Variants in ABCC9 observed in about 807,000 individuals in gnomAD.
ABCC9 encodes the protein ATP-binding cassette sub-family C member 9.
Under a neutral mutation model 188.3 loss-of-function variants are expected in ABCC9, and 95 were observed. The observed-to-expected ratio is 0.50, with a 90% CI of 0.43 to 0.60. The LOEUF is 0.60. Ranked by LOEUF, ABCC9 falls within the 20% of genes least tolerant of loss-of-function variation. ABCC9 has a pLI of 0.00. For synonymous variants in ABCC9, 659 were observed against 652.7 expected, an observed-to-expected ratio of 1.01 and a Z score of -0.15; for missense variants, 1,102 against 1,876.3, an observed-to-expected ratio of 0.59 and a Z score of 7.62.
Position 21,846,172 on chromosome 12 carries a change from A to G in ABCC9, c.2867-340T>C, listed in dbSNP as rs372063388. 1.4e-4 allele frequency among the ~76,000 whole-genome samples: 22 copies of G among 152,314 alleles called. No individual in the cohort carries two copies. In the South Asian group the frequency reaches 3.1e-3, roughly 22 times the overall value. Reference sequence around the variant, plus strand: ...TACCTGGCTTACAAACATCTACAATATTGTGACCTGCAAATTTCTGAATTT... The same window carrying G: ...TACCTGGCTTACAAACATCTACAATGTTGTGACCTGCAAATTTCTGAATTT... On this transcript the variant is annotated intron_variant, in intron 25 of 39. Transcript: ENST00000261200.
At chr12:21,848,446 C>T (rs188630442) in intron 24 of ABCC9, among the ~76,000 whole-genome samples, 200 bp from the exon 25 acceptor site, 25 of 152,208 alleles carry the variant, frequency 1.6e-4, no homozygotes, top group Middle Eastern at 3.4e-3. Context: ...CTGCAGTGCT[C>T]AAAGGTGTGG....
At chr12:21,801,312 C>T in intron 39 of ABCC9, 131 bp from the exon 40 acceptor site, 1 of 1,136,322 alleles carries the variant, frequency 8.8e-7, no homozygotes, top group African/African-American at 1.5e-5. Flanking sequence ...GTAGGGATCA[C>T]AGACACCTCC....
chr12:21,903,534 A>G (rs981058748), intron 12 of ABCC9, among the ~76,000 whole-genome samples: 8 of 152,078 alleles, frequency 5.3e-5, no homozygotes, highest in Non-Finnish European at 1.2e-4. Context: ...GAAAACCCCA[A>G]TGTCTCAGCC....
At chr12:21,801,927 C>T (rs369768519) in intron 39 of ABCC9, among the ~76,000 whole-genome samples, 103 of 152,236 alleles carry the variant, frequency 6.8e-4, no homozygotes, top group Middle Eastern at 3.4e-3. Flanking sequence ...CAGGAGGTCA[C>T]ATAGATAGTA....
At chr12:21,855,607 T>C (rs1276306513) in intron 22 of ABCC9, among the ~76,000 whole-genome samples, 4 of 152,232 alleles carry the variant, frequency 2.6e-5, no homozygotes, top group Non-Finnish European at 5.9e-5. Context: ...ATTGTAGTTA[T>C]GACCACTCTT....
intron 7 of ABCC9, among the ~76,000 whole-genome samples, chr12:21,915,074 T>C (rs972898782): frequency 1.2e-4 from 18 of 151,766 alleles, no homozygotes; most frequent in African/African-American, 4.4e-4. Flanking sequence ...CTAATTTTTG[T>C]ATTTTTAGTA....
chr12:21,925,047 T>G (rs910575225), intron 5 of ABCC9: 2 of 152,790 alleles, frequency 1.3e-5, no homozygotes, highest in African/African-American at 4.8e-5. Flanking sequence ...CTAATTTCTA[T>G]ATCATTAGCC....
At position 21,887,390 on chromosome 12, in the gene ABCC9, G is replaced by A. The variant is rs547552090; in HGVS notation, c.1911+436C>T. On this transcript the variant is annotated intron_variant, in intron 15 of 39. Transcript: ENST00000261200. ...AGCTAGAAAATAAAAAAGAGACAAT[G>A]TAATGTAATTCAACTGGAAAATAAA... Among the ~76,000 whole-genome samples, 11 of 152,158 alleles carry A rather than the reference G, an allele frequency of 7.2e-5. No homozygotes were observed. In the East Asian group the frequency reaches 2.1e-3, roughly 29 times the overall value.
intron 12 of ABCC9, among the ~76,000 whole-genome samples, chr12:21,895,795 A>G (rs990360186): frequency 6.6e-6 from 1 of 152,198 alleles, no homozygotes; most frequent in Non-Finnish European, 1.5e-5. Flanking sequence ...AGTTAATAAA[A>G]TAACTCCATA....
intron 14 of ABCC9, among the ~76,000 whole-genome samples, chr12:21,889,716 T>C (rs1251640181): frequency 1.3e-5 from 2 of 152,168 alleles, no homozygotes; most frequent in Non-Finnish European, 2.9e-5. Context: ...TCAAAGCTTT[T>C]ATGGAATAAA....
intron 4 of ABCC9, among the ~76,000 whole-genome samples, chr12:21,928,225 A>C (rs1162678541): frequency 1.4e-5 from 2 of 142,978 alleles, no homozygotes; most frequent in Admixed American, 1.4e-4. Flanking sequence ...GTCTCAAAAA[A>C]AGAAGCAAAG....
At chr12:21,863,778 G>T (rs1344380069) in intron 19 of ABCC9, among the ~76,000 whole-genome samples, 1 of 152,152 alleles carries the variant, frequency 6.6e-6, no homozygotes, top group Non-Finnish European at 1.5e-5. Context: ...TTAAAAGTCA[G>T]ATTTCCACAG....
chr12:21,816,538 A>G (rs909599849), intron 33 of ABCC9, among the ~76,000 whole-genome samples: 3 of 152,180 alleles, frequency 2.0e-5, no homozygotes, highest in African/African-American at 7.2e-5. Flanking sequence ...TATTTTAAAT[A>G]TATGTACATA....
intron 12 of ABCC9, among the ~76,000 whole-genome samples, chr12:21,896,842 C>T (rs1947455175): frequency 6.6e-6 from 1 of 152,178 alleles, no homozygotes; most frequent in South Asian, 2.1e-4. Flanking sequence ...TGGATTGATT[C>T]CATGTCTTTG....
At chr12:21,877,505 CAA>C (rs1946423369) in intron 16 of ABCC9, among the ~76,000 whole-genome samples, 1 of 152,062 alleles carries the variant, frequency 6.6e-6, no homozygotes, top group Non-Finnish European at 1.5e-5. Context: ...GGTTAAATGA[CAA>C]ATGGCATGCA....
At chr12:21,825,277 G>A (rs190888716) in intron 31 of ABCC9, among the ~76,000 whole-genome samples, 1 of 152,230 alleles carries the variant, frequency 6.6e-6, no homozygotes, top group Non-Finnish European at 1.5e-5. Flanking sequence ...ATTTGACCCA[G>A]CAATCCCATT....
At chr12:21,887,271 G>T (rs1341658586) in intron 15 of ABCC9, among the ~76,000 whole-genome samples, 2 of 152,046 alleles carry the variant, frequency 1.3e-5, no homozygotes, top group Non-Finnish European at 2.9e-5. Flanking sequence ...AAATGAACTG[G>T]TCTACAACTT....
At chr12:21,938,313 T>G (rs1037482128) in intron 2 of ABCC9, among the ~76,000 whole-genome samples, 9 of 152,240 alleles carry the variant, frequency 5.9e-5, no homozygotes, top group African/African-American at 2.2e-4. Context: ...TCATCTTTTT[T>G]TAAAAAGTTG....
In ABCC9 at chr12:21,882,847, C is replaced by T. The variant is rs755853969; in HGVS notation, c.1938G>A (p.Gln646=). 14 of 1,614,014 alleles carry T rather than the reference C, an allele frequency of 8.7e-6. No homozygotes were observed. The highest frequency in any genetic ancestry group is 1.2e-5 in the Non-Finnish European group (14 of 1,179,926). ...GVQPKTINRK[Q]PGRYHLDSYE... ...AGCTGTCCAGGTGATATCTTCCAGG[C>T]TGTTTCCTGTTTATAGTTTTTGGCT... Residue 646 remains glutamine, a synonymous_variant, in exon 16 of 40, where the codon CAG becomes CAA. Coordinates refer to ENST00000261200, the MANE Select transcript of ABCC9 (RefSeq NM_020297.4).
Sources: allele counts gnomAD v4.1 joint callset (sites outside exome capture counted in the v4.1 genomes callset), GRCh38; gene constraint gnomAD v4.1.1; transcripts MANE v1.5; gene names NCBI Gene and HGNC (gene_info 2026-07-23, HGNC 2026-07-21).